The following ANKRD17 variants were observed in gnomAD, a reference collection of about 807,000 sequenced individuals.
The protein encoded by ANKRD17 is ankyrin repeat domain 17.
A neutral mutation model predicts 229.7 loss-of-function variants in ANKRD17; 19 were observed. The ratio of observed to expected loss-of-function variants is 0.08; its 90% CI spans 0.06 to 0.12. ANKRD17 has a LOEUF of 0.12. Among genes scored for constraint, ANKRD17 ranks in the 10% least tolerant of loss-of-function variants. ANKRD17 has a pLI of 1.00. For missense variants in ANKRD17, 2,176 were observed against 3,176.8 expected (o/e 0.68, Z 7.57); for synonymous variants, 1,112 against 1,146.1 (o/e 0.97, Z 0.60).
At chr4:73,094,536 G>A (rs912047672) in intron 27 of ANKRD17, among the ~76,000 whole-genome samples, 9 of 151,826 alleles carry the variant, frequency 5.9e-5, no homozygotes, top group African/African-American at 1.9e-4. Context: ...AAATACTAAC[G>A]GTAAATAAGA....
intron 7 of ANKRD17, among the ~76,000 whole-genome samples, chr4:73,149,455 T>C (rs947238553): frequency 2.6e-5 from 4 of 152,238 alleles, no homozygotes; most frequent in East Asian, 3.9e-4. Flanking sequence ...AACTTTTGAT[T>C]AGTTAGAAAA....
chr4:73,158,205 AG>A (rs1343142296), intron 3 of ANKRD17, among the ~76,000 whole-genome samples: 1 of 152,230 alleles, frequency 6.6e-6, no homozygotes, highest in Non-Finnish European at 1.5e-5. Flanking sequence ...AAAGAAAGAA[AG>A]AAAAGTAGAA....
intron 1 of ANKRD17, among the ~76,000 whole-genome samples, chr4:73,184,169 C>A (rs1387827657): frequency 6.6e-6 from 1 of 152,110 alleles, no homozygotes; most frequent in Non-Finnish European, 1.5e-5. Context: ...AATATTACTG[C>A]CATACTAGAG....
chr4:73,203,406 C>T (rs1235667146), intron 1 of ANKRD17, among the ~76,000 whole-genome samples: 3 of 151,974 alleles, frequency 2.0e-5, no homozygotes, highest in Non-Finnish European at 4.4e-5. Context: ...ATCAAAATAT[C>T]TAAAAACGTG....
intron 2 of ANKRD17, chr4:73,169,149 T>C (rs962494490): frequency 6.6e-6 from 1 of 152,136 alleles, no homozygotes; most frequent in Non-Finnish European, 1.5e-5. Context: ...TGATGTAAAA[T>C]ATAACTTATT....
rs774880821 is a variant in ANKRD17, at chr4:73,125,026, C to T, written c.3379G>A (p.Gly1127Ser). ...AATATTTCCACAACACCAACATGAC[C>T]AGCTGTGGCAGCCAAGATGAGTGGA... ...FTPLILAATA[G>S]HVGVVEILLD... is the part of the protein sequence containing the mutation. Residue 1127 changes from glycine (G) to serine (S), a missense_variant, in exon 18 of 34, where the codon GGT becomes AGT. Coordinates refer to ENST00000358602, the MANE Select transcript of ANKRD17 (RefSeq NM_032217.5). 1 of 1,614,052 alleles carries T rather than the reference C, an allele frequency of 6.2e-7. No individual in the cohort carries two copies. The highest frequency in any genetic ancestry group is 1.3e-5 in the African/African-American group (1 of 74,910).
chr4:73,215,680 A>T (rs1185663397), intron 1 of ANKRD17, among the ~76,000 whole-genome samples: 2 of 152,240 alleles, frequency 1.3e-5, no homozygotes. Flanking sequence ...GTGAGTTTTA[A>T]TCTAACAAAG....
intron 22 of ANKRD17, among the ~76,000 whole-genome samples, chr4:73,116,567 A>G (rs1289468312): frequency 6.6e-6 from 1 of 152,110 alleles, no homozygotes; most frequent in African/African-American, 2.4e-5. Context: ...AATCTTTAGT[A>G]TATTTTTTCT....
intron 1 of ANKRD17, among the ~76,000 whole-genome samples, chr4:73,179,520 T>TATA (rs1560666346): frequency 2.1e-3 from 108 of 50,796 alleles, no homozygotes; most frequent in African/African-American, 2.4e-3. Context: ...ATATATATAT[T>TATA]TTTTTTTTTT....
rs552969677 is a variant in ANKRD17 at position 73,100,468 on chromosome 4, A to G, written c.4573+1908T>C. On this transcript the variant is annotated intron_variant, in intron 25 of 33. Transcript: ENST00000358602. ...TGCAGTTACTTGAATAAAAAAAAAA[A>G]ACATATATATATATATCCTTTTCTC... is the stretch of plus-strand genomic sequence containing the variant. Among the ~76,000 whole-genome samples the G allele has an allele frequency of 3.3e-5, 5 of 151,708 alleles. No homozygotes were observed. In the East Asian group the frequency reaches 9.7e-4, roughly 29 times the overall value.
intron 2 of ANKRD17, among the ~76,000 whole-genome samples, chr4:73,163,080 G>C (rs1264603368): frequency 6.7e-6 from 1 of 149,274 alleles, no homozygotes; most frequent in Non-Finnish European, 1.5e-5. Context: ...TGCCCAAGCT[G>C]GTCTTGAACT....
intron 22 of ANKRD17, among the ~76,000 whole-genome samples, chr4:73,118,288 G>A (rs1726248554): frequency 6.6e-6 from 1 of 151,764 alleles, no homozygotes; most frequent in African/African-American, 2.4e-5. Context: ...CACAACCCCC[G>A]CCCCCAGCAA....
intron 10 of ANKRD17, among the ~76,000 whole-genome samples, chr4:73,146,456 T>A (rs973986109): frequency 6.6e-6 from 1 of 152,236 alleles, no homozygotes; most frequent in South Asian, 2.1e-4. Context: ...CCTTTTTATA[T>A]CAAATCAGAA....
At chr4:73,232,358 A>G (rs1209135878) in intron 1 of ANKRD17, among the ~76,000 whole-genome samples, 1 of 152,186 alleles carries the variant, frequency 6.6e-6, no homozygotes, top group Non-Finnish European at 1.5e-5. Flanking sequence ...CATCGGATAA[A>G]ATGTCATCTT....
chr4:73,198,330 AG>A (rs781144209), intron 1 of ANKRD17, among the ~76,000 whole-genome samples: 32 of 152,208 alleles, frequency 2.1e-4, no homozygotes, highest in Non-Finnish European at 3.1e-4. Flanking sequence ...AAACAAATTT[AG>A]TTTCTCAACG....
chr4:73,151,576 ATTT>A, intron 6 of ANKRD17, 52 bp from the exon 7 acceptor site: 3 of 1,270,362 alleles, frequency 2.4e-6, no homozygotes, highest in Non-Finnish European at 3.2e-6. Context: ...ATTCCAAAAT[ATTT>A]TTTAAAATTA....
chr4:73,156,249 G>GT (rs1731644467), intron 3 of ANKRD17, 83 bp from the exon 4 acceptor site: 2 of 1,454,132 alleles, frequency 1.4e-6, no homozygotes, highest in Non-Finnish European at 1.8e-6. Flanking sequence ...TGATTGTTTT[G>GT]TTTTTTGTTG....
At chr4:73,204,135 G>A (rs1253288283) in intron 1 of ANKRD17, among the ~76,000 whole-genome samples, 2 of 151,852 alleles carry the variant, frequency 1.3e-5, no homozygotes, top group African/African-American at 4.8e-5. Flanking sequence ...ACAGGCGGGC[G>A]ATCACGAGGT....
At position 73,213,624 on chromosome 4, in the gene ANKRD17, C is replaced by T. The variant is rs558207383; in HGVS notation, c.394-36091G>A. Among the ~76,000 whole-genome samples the T allele has an allele frequency of 3.9e-4, 60 of 152,202 alleles. 1 individual carries two copies. Among genetic ancestry groups the T allele is most frequent in the Admixed American group, 2.1e-3 (32 of 15,290 alleles). On this transcript the variant is annotated intron_variant, in intron 1 of 33. Transcript: ENST00000358602. ...AGATGTTACTGACCTTTCTCTTTCCCAGTGAAAACATTATTTGTTCCAAAG... is the reference window on the plus strand; with the variant it reads ...AGATGTTACTGACCTTTCTCTTTCCTAGTGAAAACATTATTTGTTCCAAAG...
Sources: allele counts gnomAD v4.1 joint callset (sites outside exome capture counted in the v4.1 genomes callset), GRCh38; gene constraint gnomAD v4.1.1; transcripts MANE v1.5; gene names NCBI Gene and HGNC (gene_info 2026-07-23, HGNC 2026-07-21).